PIGZ: variants seen among roughly 807,000 people sequenced by gnomAD.
PIGZ encodes the protein GPI alpha-1,2-mannosyltransferase 4.
A neutral mutation model predicts 16.4 loss-of-function variants in PIGZ; 16 were observed. The ratio of observed to expected loss-of-function variants is 0.97; its 90% CI spans 0.66 to 1.48. The LOEUF is 1.48. Ranked by LOEUF, PIGZ falls within the 40% of genes most tolerant of loss-of-function variation. The pLI is 0.00. For missense variants in PIGZ, 770 were observed against 739.2 expected, an observed-to-expected ratio of 1.04 and a Z score of -0.48; for synonymous variants, 409 against 338.4, an observed-to-expected ratio of 1.21 and a Z score of -2.29.
At chr3:196,953,269 G>C (rs961274259) in intron 1 of PIGZ, among the ~76,000 whole-genome samples, 2 of 152,194 alleles carry the variant, frequency 1.3e-5, no homozygotes, top group African/African-American at 4.8e-5. Flanking sequence ...TCTGGGTCTT[G>C]CAGCCCATCC....
At chr3:196,967,328 C>A (rs1263902042) in intron 1 of PIGZ, among the ~76,000 whole-genome samples, 1 of 152,138 alleles carries the variant, frequency 6.6e-6, no homozygotes. Context: ...GAGCGCCGTC[C>A]GGAGTGGCAG....
chr3:196,951,476 A>T, intron 2 of PIGZ: 1 of 340,692 alleles, frequency 2.9e-6, no homozygotes, highest in Non-Finnish European at 5.6e-6. Context: ...AGCCCTATGG[A>T]AGCTCTTGCC....
At position 196,956,814 on chromosome 3, in the gene PIGZ, T is replaced by A. The variant is rs192257412; in HGVS notation, c.1-4783A>T. Among the ~76,000 whole-genome samples, 243 of 152,266 alleles carry A rather than the reference T, an allele frequency of 1.6e-3. 3 individuals carry two copies. Among genetic ancestry groups the A allele is most frequent in the African/African-American group, 5.4e-3 (223 of 41,540 alleles). On this transcript the variant is annotated intron_variant, in intron 1 of 2. Transcript: ENST00000412723. Reference sequence around the variant, plus strand: ...ACAAGTTGTTTGATTTTTTTCCACATCTGCTTGCTCTTTTGTGATATTTTC... The same window carrying A: ...ACAAGTTGTTTGATTTTTTTCCACAACTGCTTGCTCTTTTGTGATATTTTC...
chr3:196,958,043 C>T (rs1251025944), intron 1 of PIGZ, among the ~76,000 whole-genome samples: 1 of 152,154 alleles, frequency 6.6e-6, no homozygotes, highest in East Asian at 1.9e-4. Context: ...TGTATGTATC[C>T]TCAACTCCAA....
intron 1 of PIGZ, among the ~76,000 whole-genome samples, chr3:196,963,492 A>G (rs1398761606): frequency 6.6e-6 from 1 of 152,236 alleles, no homozygotes; most frequent in African/African-American, 2.4e-5. Context: ...GTGAAGTGGT[A>G]TCTCATTGTG....
intron 1 of PIGZ, among the ~76,000 whole-genome samples, chr3:196,962,999 G>A (rs377408909): frequency 3.3e-4 from 50 of 152,240 alleles, no homozygotes; most frequent in East Asian, 2.7e-3. Context: ...TCAGTCTCTC[G>A]TCTCCACCTT....
At chr3:196,954,702 G>C (rs1717413735) in intron 1 of PIGZ, among the ~76,000 whole-genome samples, 1 of 152,178 alleles carries the variant, frequency 6.6e-6, no homozygotes, top group South Asian at 2.1e-4. Context: ...ACTGTACACT[G>C]CAAGTTTTGC....
At chr3:196,950,598 AATCT>A (rs1310074209) in intron 2 of PIGZ, among the ~76,000 whole-genome samples, 1 of 152,226 alleles carries the variant, frequency 6.6e-6, no homozygotes, top group Non-Finnish European at 1.5e-5. Flanking sequence ...TCCAGGATCA[AATCT>A]ATCTGGCTGC....
chr3:196,951,578 CA>C (rs1717284487), intron 2 of PIGZ: 2 of 564,264 alleles, frequency 3.5e-6, no homozygotes, highest in Admixed American at 6.1e-5. Context: ...TTGGTCCAAG[CA>C]GGGATACATC....
At chr3:196,948,898 CCCTTCCCCTCCCCTCCCTT>C (rs1717095767) in intron 2 of PIGZ, among the ~76,000 whole-genome samples, 1 of 69,480 alleles carries the variant, frequency 1.4e-5, no homozygotes, top group African/African-American at 6.2e-5. Context: ...CCCCTTCCTT[CCCTTCCCCTCCCCTCCCTT>C]CCCTTCCTTC....
Position 196,951,868 on chromosome 3 carries a change from C to T in PIGZ, c.164G>A (p.Gly55Asp), listed in dbSNP as rs751352710. Residue 55 changes from glycine to aspartate, a missense_variant, in exon 2 of 3, where the codon GGC (glycine) becomes GAC (aspartate). Coordinates refer to ENST00000412723, the MANE Select transcript of PIGZ (RefSeq NM_025163.4). Reference sequence around the variant, plus strand: ...GAAGAACTCATCTGGGTGCACATAGCCCGTCTGCGGAAGGAGACACCACAG... The same window carrying T: ...GAAGAACTCATCTGGGTGCACATAGTCCGTCTGCGGAAGGAGACACCACAG... ...RVLWCLLPQT[G>D]YVHPDEFFQS... The T allele has an allele frequency of 6.2e-7, 1 of 1,614,056 alleles. No individual in the cohort carries two copies. Among genetic ancestry groups the T allele is most frequent in the South Asian group, 1.1e-5 (1 of 91,080 alleles).
Position 196,946,853 on chromosome 3 carries a change from C to A in PIGZ, c.*304G>T. On this transcript the variant is annotated 3_prime_UTR_variant, in exon 3 of 3. Transcript: ENST00000412723. The stretch of plus-strand genomic sequence containing the variant: ...GTCTTTTTTCACAACCAGGTACTAT[C>A]ACATATTTCAAACATCACAGTGGCT... 1 of 316,826 alleles carries A rather than the reference C, an allele frequency of 3.2e-6. No individual in the cohort carries two copies. The highest frequency in any genetic ancestry group is 5.6e-5 in the East Asian group (1 of 17,830). 19.6% of individuals were successfully genotyped at this position (316,826 alleles called of 1,614,324 possible).
rs751701476 is a variant in PIGZ, at chr3:196,947,317, G to A, written c.1580C>T (p.Thr527Ile). 1 of 1,614,178 alleles carries A rather than the reference G, an allele frequency of 6.2e-7. No homozygotes were observed. Among genetic ancestry groups the A allele is most frequent in the Non-Finnish European group, 8.5e-7 (1 of 1,180,014 alleles). Reference protein sequence around the residue: ...CRLFVVTPGTTRRAVEKCSFP... With the variant: ...CRLFVVTPGTIRRAVEKCSFP... Reference sequence around the variant, plus strand: ...GCTGCACTTCTCCACGGCACGCCTGGTGGTGCCAGGGGTTACCACAAAGAG... The same window carrying A: ...GCTGCACTTCTCCACGGCACGCCTGATGGTGCCAGGGGTTACCACAAAGAG... Residue 527 changes from threonine (T) to isoleucine (I), a missense_variant, in exon 3 of 3, where the codon ACC (threonine) becomes ATC (isoleucine). By Grantham distance (89) the Thr-to-Ile change is moderately conservative (BLOSUM62 -1). Coordinates refer to ENST00000412723, the MANE Select transcript of PIGZ (RefSeq NM_025163.4).
chr3:196,967,730 C>T (rs1192754558), intron 1 of PIGZ, among the ~76,000 whole-genome samples: 2 of 152,194 alleles, frequency 1.3e-5, no homozygotes, highest in African/African-American at 4.8e-5. Flanking sequence ...ATGCTGGCCG[C>T]CTTCTTCCTT....
At chr3:196,959,781 C>G (rs1233158365) in intron 1 of PIGZ, among the ~76,000 whole-genome samples, 1 of 152,192 alleles carries the variant, frequency 6.6e-6, no homozygotes, top group Non-Finnish European at 1.5e-5. Flanking sequence ...TCAGGCCCCC[C>G]ACACTGCCTG....
chr3:196,952,411 G>C (rs796191740), intron 1 of PIGZ, among the ~76,000 whole-genome samples: 11 of 152,272 alleles, frequency 7.2e-5, no homozygotes, highest in African/African-American at 2.6e-4. Flanking sequence ...GGTATTTCAG[G>C]GAGAGATTAG....
chr3:196,968,213 GGGA>G lies in PIGZ; in HGVS notation c.-1+471_-1+473del, dbSNP rs1398597426. 2.0e-5 allele frequency among the ~76,000 whole-genome samples: 3 copies of G among 152,312 alleles called. No homozygotes were observed. In the East Asian group the frequency reaches 5.8e-4, roughly 29 times the overall value. ...GGCCCGAAGTGCAGCCCCCGAGGCC[GGGA>G]GCCGAGATTCTTCTCGGCTTCGTGC... On this transcript the variant is annotated intron_variant, in intron 1 of 2. Transcript: ENST00000412723.
chr3:196,947,567 G>A lies in PIGZ; in HGVS notation c.1330C>T (p.Gln444Ter). The change falls in exon 3 of 3, where the codon CAG (glutamine) becomes TAG (stop). Residue 444 changes from glutamine (Q) to a stop codon, truncating the protein, a stop_gained. Coordinates refer to ENST00000412723, the MANE Select transcript of PIGZ (RefSeq NM_025163.4). LOFTEE classifies it high-confidence loss of function. Reference sequence around the variant, plus strand: ...GGGAGCACAGGGGCATGGACCACCTGCTCCAGGTACTCCAGGCCAGGCACC... The same window carrying A: ...GGGAGCACAGGGGCATGGACCACCTACTCCAGGTACTCCAGGCCAGGCACC... Reference protein sequence around the residue: ...GLVPGLEYLEQVVHAPVLPST... With the variant: ...GLVPGLEYLE The A allele has an allele frequency of 6.2e-7, 1 of 1,613,878 alleles. No homozygotes were observed. The highest frequency in any genetic ancestry group is 1.3e-5 in the African/African-American group (1 of 75,068).
chr3:196,958,849 A>G (rs1293302129), intron 1 of PIGZ, among the ~76,000 whole-genome samples: 1 of 152,178 alleles, frequency 6.6e-6, no homozygotes, highest in Non-Finnish European at 1.5e-5. Flanking sequence ...GAAGTCATAT[A>G]TTTAAGGGAC....
Sources: gnomAD v4.1 joint callset for allele counts (sites outside exome capture counted in the v4.1 genomes callset) on GRCh38, gnomAD v4.1.1 for gene constraint, MANE v1.5 for transcripts, NCBI Gene and HGNC (gene_info 2026-07-23, HGNC 2026-07-21) for gene names.